Variants in ZUP1 observed in about 807,000 individuals in gnomAD.
ZUP1 encodes the protein zinc finger-containing ubiquitin peptidase 1.
A neutral mutation model predicts 68.1 loss-of-function variants in ZUP1; 55 were observed. That is an observed-to-expected ratio of 0.81 (90% confidence interval 0.65 to 1.01). ZUP1 has a LOEUF of 1.01. Ranked by LOEUF, ZUP1 falls within the 50% of genes least tolerant of loss-of-function variation. ZUP1 has a pLI of 0.00. For synonymous variants in ZUP1, 223 were observed against 221.5 expected, an observed-to-expected ratio of 1.01 and a Z score of -0.06; for missense variants, 684 against 674.9, an observed-to-expected ratio of 1.01 and a Z score of -0.15.
chr6:116,655,331 T>C (rs1017004194), intron 5 of ZUP1, among the ~76,000 whole-genome samples: 1 of 152,168 alleles, frequency 6.6e-6, no homozygotes, highest in South Asian at 2.1e-4. Context: ...GCATACATGT[T>C]GTATCCCATT....
chr6:116,639,730 G>A (rs957656718), intron 9 of ZUP1, among the ~76,000 whole-genome samples: 27 of 152,156 alleles, frequency 1.8e-4, no homozygotes, highest in Non-Finnish European at 2.9e-4. Flanking sequence ...AAACCACAAA[G>A]ATGGGGAAAA....
At chr6:116,658,385 TA>T (rs1260331364) in intron 4 of ZUP1, among the ~76,000 whole-genome samples, 1 of 152,230 alleles carries the variant, frequency 6.6e-6, no homozygotes, top group Non-Finnish European at 1.5e-5. Context: ...ACATTAATTC[TA>T]AGTATAAATT....
At chr6:116,662,469 C>A (rs1022623179) in intron 2 of ZUP1, among the ~76,000 whole-genome samples, 1 of 152,198 alleles carries the variant, frequency 6.6e-6, no homozygotes, top group African/African-American at 2.4e-5. Flanking sequence ...GATGTAACCA[C>A]CAACACTGTT....
intron 9 of ZUP1, among the ~76,000 whole-genome samples, chr6:116,638,200 T>C (rs1165807259): frequency 6.6e-6 from 1 of 152,212 alleles, no homozygotes; most frequent in African/African-American, 2.4e-5. Flanking sequence ...TGTTTGTCTC[T>C]AGTCTTCAGT....
intron 7 of ZUP1, among the ~76,000 whole-genome samples, chr6:116,649,205 CTAAT>C (rs1256519052): frequency 3.3e-5 from 5 of 151,932 alleles, no homozygotes; most frequent in African/African-American, 9.7e-5. Context: ...ATTTCTGAAT[CTAAT>C]CAATCAATGT....
chr6:116,645,926 G>C lies in ZUP1; in HGVS notation c.1477C>G (p.Arg493Gly), dbSNP rs201712609. The C allele has an allele frequency of 1.2e-6, 2 of 1,607,880 alleles. No homozygotes were observed. Among genetic ancestry groups the C allele is most frequent in the South Asian group, 1.1e-5 (1 of 90,030 alleles). The change falls in exon 9 of 10, where the codon CGA becomes GGA. Residue 493 changes from arginine to glycine, a missense_variant. Physicochemically the swap from Arg to Gly is moderately radical, Grantham distance 125. Transcript: ENST00000368576. ...TTCTCTTCAATTCCAATAACAGTTC[G>C]ACTGTGACCTATCAAAAGATTTTTA... ...PIYLQHQGHS[R>G]TVIGIEEKKN...
rs9387428 is a variant in ZUP1, at chr6:116,657,963, C to A, written c.792+840G>T. ...AAAAAATGAGCCAGGCATGGTGGTG[C>A]ACACCTGTAATCCCAGCTACTTGGG... On this transcript the variant is annotated intron_variant, in intron 4 of 9. Coordinates refer to ENST00000368576, the MANE Select transcript of ZUP1 (RefSeq NM_145062.3). Among the ~76,000 whole-genome samples the A allele has an allele frequency of 2.6e-4, 39 of 152,236 alleles. No homozygotes were observed. In the East Asian group the frequency reaches 3.1e-3, roughly 12 times the overall value.
rs200436147 is a variant in ZUP1 at position 116,667,064 on chromosome 6, T to G, written c.129A>C (p.Glu43Asp). ...FCKLSGVNYD[E>D]MCFHIETAHF... ...GAGCTGTTTCGATATGAAAACACAT[T>G]TCATCATAATTCACACCTGACAACT... The change falls in exon 2 of 10, where the codon GAA becomes GAC. Residue 43 changes from glutamate to aspartate, a missense_variant. By Grantham distance (45) the Glu-to-Asp change is conservative. Coordinates refer to ENST00000368576, the MANE Select transcript of ZUP1 (RefSeq NM_145062.3). 21 of 1,613,694 alleles carry G rather than the reference T, an allele frequency of 1.3e-5. No homozygotes were observed. The highest frequency in any genetic ancestry group is 1.8e-5 in the Non-Finnish European group (21 of 1,179,876).
intron 2 of ZUP1, among the ~76,000 whole-genome samples, chr6:116,662,688 C>T (rs1463357120): frequency 6.6e-6 from 1 of 152,168 alleles, no homozygotes; most frequent in Non-Finnish European, 1.5e-5. Context: ...CTTGACTTAA[C>T]TAAAATCTGG....
At chr6:116,646,910 G>A (rs1173370870) in intron 8 of ZUP1, among the ~76,000 whole-genome samples, 1 of 152,086 alleles carries the variant, frequency 6.6e-6, no homozygotes, top group Non-Finnish European at 1.5e-5. Flanking sequence ...TAAGGTCAGG[G>A]AAGGCCTCAC....
intron 2 of ZUP1, among the ~76,000 whole-genome samples, chr6:116,663,067 GA>G (rs1170292419): frequency 2.0e-5 from 3 of 151,758 alleles, no homozygotes; most frequent in Admixed American, 1.3e-4. Context: ...TTTACCAACC[GA>G]ATGACAAAAA....
chr6:116,665,835 C>G (rs1304407557), intron 2 of ZUP1, among the ~76,000 whole-genome samples: 1 of 150,002 alleles, frequency 6.7e-6, no homozygotes, highest in Non-Finnish European at 1.5e-5. Context: ...AAGGGATCTG[C>G]CCACCTCGGA....
chr6:116,665,828 G>C (rs142701450), intron 2 of ZUP1, among the ~76,000 whole-genome samples: 1 of 150,458 alleles, frequency 6.6e-6, no homozygotes, highest in East Asian at 1.9e-4. Context: ...TGGACTCAAG[G>C]GATCTGCCCA....
intron 7 of ZUP1, among the ~76,000 whole-genome samples, chr6:116,648,503 T>C (rs1776382872): frequency 6.6e-6 from 1 of 152,144 alleles, no homozygotes; most frequent in Admixed American, 6.5e-5. Flanking sequence ...TGTTTTGGGG[T>C]TAGCAGTTTG....
At chr6:116,651,394 C>G (rs973640173) in intron 7 of ZUP1, among the ~76,000 whole-genome samples, 178 bp downstream of exon 7, 7 of 152,124 alleles carry the variant, frequency 4.6e-5, no homozygotes, top group Non-Finnish European at 1.5e-5. Flanking sequence ...CTCTGAGAGA[C>G]AGAACTTGAG....
chr6:116,656,402 A>C (rs1212481575), intron 5 of ZUP1, among the ~76,000 whole-genome samples: 1 of 152,102 alleles, frequency 6.6e-6, no homozygotes, highest in Non-Finnish European at 1.5e-5. Context: ...ACTTTTGTTA[A>C]TGTGGAGCCA....
At chr6:116,649,117 GT>G (rs1427791116) in intron 7 of ZUP1, among the ~76,000 whole-genome samples, 1 of 152,052 alleles carries the variant, frequency 6.6e-6, no homozygotes, top group Non-Finnish European at 1.5e-5. Flanking sequence ...CATTAAAATA[GT>G]TCTTTAAATA....
rs1006968312 is a variant in ZUP1 at position 116,646,478 on chromosome 6, A to G, written c.1469-544T>C. Among the ~76,000 whole-genome samples the G allele has an allele frequency of 8.5e-5, 13 of 152,332 alleles. No homozygotes were observed. The East Asian group carries it at 2.3e-3, about 27-fold the overall frequency. ...GTATATAACAGCAAACAAAACAGAC[A>G]AACGTGCCTGTGTTCTTGGAACTTA... On this transcript the variant is annotated intron_variant, in intron 8 of 9. Coordinates refer to ENST00000368576, the MANE Select transcript of ZUP1 (RefSeq NM_145062.3).
intron 3 of ZUP1, 89 bp downstream of exon 3, chr6:116,660,647 T>G: frequency 1.5e-6 from 1 of 654,422 alleles, no homozygotes; most frequent in South Asian, 2.6e-5. Flanking sequence ...TTTAAAATAT[T>G]TTTTCCATAT....
Sources: allele counts gnomAD v4.1 joint callset (sites outside exome capture counted in the v4.1 genomes callset), GRCh38; gene constraint gnomAD v4.1.1; transcripts MANE v1.5; gene names NCBI Gene and HGNC (gene_info 2026-07-23, HGNC 2026-07-21).